The following MPP7 variants were observed in gnomAD, a reference collection of about 807,000 sequenced individuals.
The protein encoded by MPP7 is MAGUK p55 scaffold protein 7.
Under a neutral mutation model 76.5 loss-of-function variants are expected in MPP7, and 60 were observed. That is an observed-to-expected ratio of 0.78 (90% CI 0.64 to 0.97). MPP7 has a LOEUF of 0.97. MPP7 is among the 50% of genes least tolerant of loss of function. The pLI is 0.00. For missense variants in MPP7, 641 were observed against 694.0 expected (o/e 0.92, Z 0.86); for synonymous variants, 237 against 244.5 (o/e 0.97, Z 0.29).
intron 2 of MPP7, among the ~76,000 whole-genome samples, chr10:28,213,492 T>C (rs1564706274): frequency 3.3e-5 from 5 of 152,026 alleles, no homozygotes; most frequent in Admixed American, 3.3e-4. Context: ...AGAAAATGTT[T>C]GCATTTAAAA....
At chr10:28,197,865 A>G (rs780828879) in intron 3 of MPP7, among the ~76,000 whole-genome samples, 59 of 152,218 alleles carry the variant, frequency 3.9e-4, no homozygotes, top group Non-Finnish European at 8.1e-4. Context: ...CTGGTATCAA[A>G]ATATATTGTA....
At chr10:28,184,206 T>TA (rs142613930) in intron 3 of MPP7, among the ~76,000 whole-genome samples, 1 of 147,802 alleles carries the variant, frequency 6.8e-6, no homozygotes, top group Non-Finnish European at 1.5e-5. Flanking sequence ...ATATATATCT[T>TA]TATATGTTAA....
intron 1 of MPP7, among the ~76,000 whole-genome samples, chr10:28,257,511 C>T (rs974138357): frequency 2.7e-5 from 4 of 145,604 alleles, no homozygotes; most frequent in African/African-American, 5.1e-5. Context: ...AACCAAACAC[C>T]GCATATTCTC....
At chr10:28,217,127 T>C (rs575727257) in intron 2 of MPP7, among the ~76,000 whole-genome samples, 25 of 152,308 alleles carry the variant, frequency 1.6e-4, no homozygotes, top group South Asian at 8.3e-4. Flanking sequence ...AATACACTTT[T>C]ATCTTCCATT....
chr10:28,187,973 T>C (rs952803408), intron 3 of MPP7, among the ~76,000 whole-genome samples: 6 of 152,322 alleles, frequency 3.9e-5, no homozygotes, highest in Middle Eastern at 6.8e-3. Flanking sequence ...TCAAACTGGT[T>C]TTTCACTTTC....
intron 1 of MPP7, among the ~76,000 whole-genome samples, chr10:28,258,292 C>A: frequency 1.4e-5 from 2 of 146,556 alleles, no homozygotes; most frequent in Non-Finnish European, 3.0e-5. Flanking sequence ...CTATTAATAC[C>A]AAAAGTCTAC....
chr10:28,179,694 A>T lies in MPP7; in HGVS notation c.156+22459T>A, dbSNP rs190331755. On this transcript the variant is annotated intron_variant, in intron 3 of 16. Transcript: ENST00000683449. ...CAGATGTCCCGAAGGAATGAGCACC[A>T]CCTAGTGGAGGCACATAATATTAAA... Among the ~76,000 whole-genome samples the T allele has an allele frequency of 4.8e-4, 73 of 152,330 alleles. 1 individual carries two copies. Among genetic ancestry groups the T allele is most frequent in the Admixed American group, 4.3e-3 (66 of 15,298 alleles).
At chr10:28,268,139 T>C (rs1564745644) in intron 1 of MPP7, among the ~76,000 whole-genome samples, 1 of 152,174 alleles carries the variant, frequency 6.6e-6, no homozygotes, top group South Asian at 2.1e-4. Flanking sequence ...ATACTCTATA[T>C]TGGGTAGAAG....
chr10:28,157,046 C>A (rs920515275), intron 3 of MPP7, among the ~76,000 whole-genome samples: 1 of 151,952 alleles, frequency 6.6e-6, no homozygotes, highest in Non-Finnish European at 1.5e-5. Flanking sequence ...CCTGTCTCTA[C>A]CAAAAATACT....
At chr10:28,210,291 C>T (rs1443558863) in intron 2 of MPP7, among the ~76,000 whole-genome samples, 3 of 152,208 alleles carry the variant, frequency 2.0e-5, no homozygotes, top group African/African-American at 7.2e-5. Flanking sequence ...AAAGTAATCA[C>T]AGTTTTTACT....
chr10:28,321,008 G>A (rs12356817), intron 2 of MPP7, among the ~76,000 whole-genome samples: 17,757 of 152,078 alleles, frequency 0.12, 1,314 homozygotes, highest in Middle Eastern at 0.17. Context: ...CTGACAATGC[G>A]CGGTGCTTGG....
chr10:28,158,296 T>C (rs530979047), intron 3 of MPP7, among the ~76,000 whole-genome samples: 2 of 152,274 alleles, frequency 1.3e-5, no homozygotes, highest in African/African-American at 4.8e-5. Flanking sequence ...CCATCAACTA[T>C]CTTCTATCTG....
chr10:28,096,936 T>G (rs568180462), intron 11 of MPP7, among the ~76,000 whole-genome samples: 7 of 152,330 alleles, frequency 4.6e-5, no homozygotes, highest in South Asian at 2.1e-4. Context: ...TACATTATTA[T>G]GCCATGACAG....
At chr10:28,325,761 TG>T (rs1456809516) in intron 2 of MPP7, among the ~76,000 whole-genome samples, 1 of 151,972 alleles carries the variant, frequency 6.6e-6, no homozygotes, top group African/African-American at 2.4e-5. Flanking sequence ...CCCAAAGTGC[TG>T]GGATTACAGG....
chr10:28,208,295 C>T (rs1838012800), intron 2 of MPP7, among the ~76,000 whole-genome samples: 1 of 152,172 alleles, frequency 6.6e-6, no homozygotes, highest in Non-Finnish European at 1.5e-5. Context: ...AAGCAGGAAA[C>T]ACTTCTCCAG....
chr10:28,276,096 T>C (rs1395368738), intron 1 of MPP7, among the ~76,000 whole-genome samples: 1 of 149,840 alleles, frequency 6.7e-6, no homozygotes, highest in Admixed American at 6.7e-5. Context: ...AGTGGCATGA[T>C]CTCAGCTCAC....
chr10:28,278,582 A>AT (rs1288011769), intron 1 of MPP7, among the ~76,000 whole-genome samples: 1 of 152,086 alleles, frequency 6.6e-6, no homozygotes, highest in African/African-American at 2.4e-5. Context: ...AAAATGATAG[A>AT]TTTTTAAAAG....
intron 3 of MPP7, among the ~76,000 whole-genome samples, chr10:28,173,984 A>G (rs146507293): frequency 6.6e-6 from 1 of 152,332 alleles, no homozygotes; most frequent in East Asian, 1.9e-4. Context: ...AACAGAAAAG[A>G]GCAGACGGTC....
intron 6 of MPP7, among the ~76,000 whole-genome samples, chr10:28,126,970 A>G (rs1339881274): frequency 6.6e-6 from 1 of 152,154 alleles, no homozygotes; most frequent in Non-Finnish European, 1.5e-5. Flanking sequence ...TAAATGAAGG[A>G]GCCCTCAGTT....
Sources: allele counts gnomAD v4.1 joint callset (sites outside exome capture counted in the v4.1 genomes callset), GRCh38; gene constraint gnomAD v4.1.1; transcripts MANE v1.5; gene names NCBI Gene and HGNC (gene_info 2026-07-23, HGNC 2026-07-21).